Variants in HSPA12A observed in about 807,000 individuals in gnomAD.
HSPA12A encodes the protein heat shock 70 kDa protein 12A.
A neutral mutation model predicts 69.2 loss-of-function variants in HSPA12A; 28 were observed. The observed-to-expected ratio is 0.40, with a 90% confidence interval of 0.30 to 0.55. HSPA12A has a LOEUF of 0.55. Ranked by LOEUF, HSPA12A falls within the 20% of genes least tolerant of loss-of-function variation. HSPA12A has a pLI of 0.38. For missense variants in HSPA12A, 686 were observed against 900.7 expected (o/e 0.76, Z 3.05); for synonymous variants, 345 against 370.5 (o/e 0.93, Z 0.79).
At chr10:116,746,106 T>C (rs747162002), upstream of HSPA12A, among the ~76,000 whole-genome samples, 5 of 151,948 alleles carry the variant, frequency 3.3e-5, no homozygotes, top group African/African-American at 4.8e-5. Flanking sequence ...CCTCCTCAGC[T>C]TCAGGCCTTT....
upstream of HSPA12A, among the ~76,000 whole-genome samples, chr10:116,746,889 A>G (rs1362198271): frequency 1.3e-5 from 2 of 152,214 alleles, no homozygotes; most frequent in Admixed American, 6.5e-5. Context: ...GACATAGGAC[A>G]CTGCCCGTCA....
chr10:116,786,435 G>GA (rs202058568), intron 2 of HSPA12A, among the ~76,000 whole-genome samples: 49 of 125,424 alleles, frequency 3.9e-4, no homozygotes, highest in Non-Finnish European at 5.2e-4. Context: ...ACATTTTCCT[G>GA]AAAAAAAAAG....
intron 6 of HSPA12A, among the ~76,000 whole-genome samples, chr10:116,684,333 G>T (rs1404125652): frequency 1.3e-5 from 2 of 152,128 alleles, no homozygotes; most frequent in Non-Finnish European, 1.5e-5. Flanking sequence ...AGTGGTGAAG[G>T]CATGGAGTTG....
chr10:116,769,943 T>G (rs1844163611), intron 2 of HSPA12A, among the ~76,000 whole-genome samples: 1 of 152,120 alleles, frequency 6.6e-6, no homozygotes, highest in Non-Finnish European at 1.5e-5. Context: ...CTGGGTATGC[T>G]CGCTTGAGAG....
At chr10:116,782,742 G>T (rs1235620645) in intron 2 of HSPA12A, among the ~76,000 whole-genome samples, 6 of 152,208 alleles carry the variant, frequency 3.9e-5, no homozygotes, top group African/African-American at 1.4e-4. Context: ...GGTAGGGGCT[G>T]CCTGGTCAGG....
chr10:116,750,512 G>A lies in HSPA12A; in HGVS notation c.92-43227C>T, dbSNP rs113559295. 217 of 463,556 alleles carry A rather than the reference G, an allele frequency of 4.7e-4. 1 individual carries two copies. The highest frequency in any genetic ancestry group is 3.0e-3 in the African/African-American group (152 of 50,572). 28.7% of individuals were successfully genotyped at this position (463,556 alleles called of 1,614,324 possible). A position where few individuals can be genotyped will look rare whatever the true frequency, so the allele number is the denominator to read the frequency against. ...AAAGCACATCATCAGTCAGAATGTC[G>A]TGGATTATACGCATTTCCTAACAGA... On this transcript the variant is annotated intron_variant, in intron 2 of 12. Coordinates refer to the HSPA12A transcript ENST00000635765.
chr10:116,725,221 C>G (rs1273645405), intron 1 of HSPA12A, among the ~76,000 whole-genome samples: 2 of 152,170 alleles, frequency 1.3e-5, no homozygotes, highest in African/African-American at 4.8e-5. Context: ...TTGCTTCTGG[C>G]TTCAACACTT....
chr10:116,730,013 T>C (rs538997067), intron 1 of HSPA12A, among the ~76,000 whole-genome samples: 306 of 152,296 alleles, frequency 2.0e-3, no homozygotes, highest in African/African-American at 6.9e-3. Context: ...TGAAACCTCA[T>C]CTCTACTAAA....
chr10:116,772,310 C>A (rs897939061), intron 2 of HSPA12A, among the ~76,000 whole-genome samples: 1 of 152,094 alleles, frequency 6.6e-6, no homozygotes, highest in African/African-American at 2.4e-5. Context: ...CCAGGACAGA[C>A]CCCCAGAGCC....
chr10:116,683,612 G>T, intron 7 of HSPA12A, 179 bp downstream of exon 7: 1 of 461,062 alleles, frequency 2.2e-6, no homozygotes, highest in Non-Finnish European at 3.7e-6. Context: ...CATTTATGGG[G>T]GTCCTTGGAG....
At chr10:116,738,711 G>A (rs183568501) in intron 1 of HSPA12A, among the ~76,000 whole-genome samples, 2 of 152,212 alleles carry the variant, frequency 1.3e-5, no homozygotes, top group Admixed American at 1.3e-4. Flanking sequence ...TCATCCCGAT[G>A]GATGAGCCCA....
At chr10:116,845,598 G>A (rs1845868036) in intron 1 of HSPA12A, among the ~76,000 whole-genome samples, 2 of 152,054 alleles carry the variant, frequency 1.3e-5, no homozygotes, top group African/African-American at 4.8e-5. Flanking sequence ...TAAATCTCCT[G>A]AGCCTCTTCT....
chr10:116,673,031 G>C lies in HSPA12A; in HGVS notation c.*1750C>G, dbSNP rs889564958. 19 of 152,716 alleles carry C rather than the reference G, an allele frequency of 1.2e-4. No individual in the cohort carries two copies. Among genetic ancestry groups the C allele is most frequent in the Admixed American group, 9.8e-4 (15 of 15,298 alleles). The allele number at this position is 152,716 out of a possible 1,614,324, so 9.5% of individuals were successfully genotyped here. A position where few individuals can be genotyped will look rare whatever the true frequency, so the allele number is the denominator to read the frequency against. On this transcript the variant is annotated 3_prime_UTR_variant, in exon 12 of 12. Coordinates refer to ENST00000369209, the MANE Select transcript of HSPA12A (RefSeq NM_025015.3). ...AATCTGCATATTGGCTATGATAATG[G>C]GTTTGTGAATCCAAGTTGCATTGGA...
rs1849220132 is a variant in HSPA12A, at chr10:116,675,766, A to C, written c.1391-348T>G. On this transcript the variant is annotated intron_variant, in intron 11 of 11. Coordinates refer to ENST00000369209, the MANE Select transcript of HSPA12A (RefSeq NM_025015.3). The surrounding 1 kb of genome is among the most constrained non-coding windows in gnomAD (Gnocchi z 5.2). ...GGTAAGTCAAGGCAGGTTGTTATAA[A>C]TAGAATTCTCTGATTTTCATAAAAA... Among the ~76,000 whole-genome samples, 1 of 152,224 alleles carries C rather than the reference A, an allele frequency of 6.6e-6. No homozygotes were observed. The highest frequency in any genetic ancestry group is 1.5e-5 in the Non-Finnish European group (1 of 68,038).
At chr10:116,759,566 G>A (rs947515500) in intron 2 of HSPA12A, among the ~76,000 whole-genome samples, 2 of 152,212 alleles carry the variant, frequency 1.3e-5, no homozygotes, top group African/African-American at 4.8e-5. Flanking sequence ...CACCTTCCAT[G>A]AGGATGAACA....
intron 2 of HSPA12A, among the ~76,000 whole-genome samples, chr10:116,782,751 G>C (rs1844491470): frequency 2.6e-5 from 4 of 152,208 alleles, no homozygotes; most frequent in Admixed American, 6.5e-5. Context: ...TGCCTGGTCA[G>C]GGAAGAGGAC....
intron 1 of HSPA12A, among the ~76,000 whole-genome samples, chr10:116,715,899 T>A (rs1359246501): frequency 1.3e-5 from 2 of 152,148 alleles, no homozygotes; most frequent in East Asian, 3.9e-4. Flanking sequence ...GGTGAAGGGC[T>A]CCCAAACATC....
intron 1 of HSPA12A, among the ~76,000 whole-genome samples, chr10:116,740,532 A>G (rs1851454142): frequency 1.3e-5 from 2 of 152,078 alleles, no homozygotes; most frequent in Admixed American, 6.5e-5. Context: ...AGATGACTGG[A>G]AGTGAAGAAA....
At chr10:116,771,196 C>T (rs1056672958) in intron 2 of HSPA12A, among the ~76,000 whole-genome samples, 30 of 152,222 alleles carry the variant, frequency 2.0e-4, no homozygotes, top group African/African-American at 5.5e-4. Context: ...GCCCATTTTG[C>T]CTCCAACATA....
Sources: allele counts gnomAD v4.1 joint callset (sites outside exome capture counted in the v4.1 genomes callset), GRCh38; gene constraint gnomAD v4.1.1; non-coding constraint Gnocchi (gnomAD v3.1); transcripts MANE v1.5; gene names NCBI Gene and HGNC (gene_info 2026-07-23, HGNC 2026-07-21).